Variants in SLC35F1 observed in about 807,000 individuals in gnomAD.
The protein encoded by SLC35F1 is chromosome 6 open reading frame 169.
In SLC35F1, 14 loss-of-function variants were observed where a neutral mutation model predicts 48.7. The ratio of observed to expected loss-of-function variants is 0.29; its 90% CI spans 0.19 to 0.45. The LOEUF (loss-of-function observed/expected upper bound fraction) is 0.45, where lower values mean the gene tolerates loss of function less well. SLC35F1 is among the 20% of genes least tolerant of loss of function. SLC35F1 has a pLI of 1.00. For synonymous variants in SLC35F1, 190 were observed against 202.2 expected (o/e 0.94, Z 0.51); for missense variants, 404 against 500.0 (o/e 0.81, Z 1.83).
Position 118,095,202 on chromosome 6 carries a change from A to G in SLC35F1, c.174-59243A>G, listed in dbSNP as rs576023941. Among the ~76,000 whole-genome samples, 91 of 152,338 alleles carry G rather than the reference A, an allele frequency of 6.0e-4. 1 individual carries two copies. The South Asian group carries it at 0.018, about 31-fold the overall frequency. On this transcript the variant is annotated intron_variant, in intron 1 of 7. Coordinates refer to ENST00000360388, the MANE Select transcript of SLC35F1 (RefSeq NM_001029858.4). The stretch of plus-strand genomic sequence containing the variant: ...ACAAAGGTCATGGCTACACTTAACA[A>G]TATCACTTTCTGTTAAGAGGTGGGG...
intron 1 of SLC35F1, among the ~76,000 whole-genome samples, chr6:118,112,666 A>C (rs1481601841): frequency 6.6e-6 from 1 of 152,174 alleles, no homozygotes; most frequent in African/African-American, 2.4e-5. Flanking sequence ...TGGATTAGTC[A>C]TTAATGTATA....
At chr6:117,928,750 T>C (rs1002518758) in intron 1 of SLC35F1, among the ~76,000 whole-genome samples, 1 of 152,102 alleles carries the variant, frequency 6.6e-6, no homozygotes, top group African/African-American at 2.4e-5. Flanking sequence ...GTTGCACAAG[T>C]CAATCAAGTA....
chr6:118,052,376 T>C (rs1772403857), intron 1 of SLC35F1, among the ~76,000 whole-genome samples: 1 of 152,206 alleles, frequency 6.6e-6, no homozygotes, highest in African/African-American at 2.4e-5. Context: ...ACTCTGAGTT[T>C]GTACTATCCT....
chr6:118,003,330 T>A (rs994805192), intron 1 of SLC35F1, among the ~76,000 whole-genome samples: 2 of 152,248 alleles, frequency 1.3e-5, no homozygotes, highest in African/African-American at 4.8e-5. Context: ...TATGAGATTC[T>A]ATAAACATAG....
chr6:118,175,226 AT>A (rs1774470397), intron 2 of SLC35F1, among the ~76,000 whole-genome samples: 1 of 152,128 alleles, frequency 6.6e-6, no homozygotes, highest in Admixed American at 6.6e-5. Flanking sequence ...CAAAGCCTCA[AT>A]TTTCCACTTC....
intron 2 of SLC35F1, among the ~76,000 whole-genome samples, chr6:118,188,093 G>A (rs955530235): frequency 1.6e-4 from 24 of 152,162 alleles, no homozygotes; most frequent in African/African-American, 5.8e-4. Flanking sequence ...AGATTGAAGG[G>A]GAGGTCTGCT....
At chr6:117,927,582 C>T (rs1216472642) in intron 1 of SLC35F1, among the ~76,000 whole-genome samples, 1 of 152,176 alleles carries the variant, frequency 6.6e-6, no homozygotes, top group African/African-American at 2.4e-5. Flanking sequence ...GCAGTGAGAA[C>T]ATTCTGCAGA....
chr6:118,288,717 C>A (rs1194398583), intron 7 of SLC35F1, among the ~76,000 whole-genome samples: 1 of 152,174 alleles, frequency 6.6e-6, no homozygotes, highest in African/African-American at 2.4e-5. Flanking sequence ...CCCAACTCCC[C>A]CTTCCCATCA....
intron 5 of SLC35F1, 129 bp downstream of exon 5, chr6:118,275,744 G>A: frequency 8.5e-6 from 6 of 703,004 alleles, no homozygotes; most frequent in Non-Finnish European, 1.3e-5. Context: ...AAGGACTTAT[G>A]TAATCTGCCA....
intron 1 of SLC35F1, among the ~76,000 whole-genome samples, chr6:118,138,017 C>T (rs1773822762): frequency 2.6e-5 from 4 of 152,066 alleles, no homozygotes. Context: ...ATATTCCAAC[C>T]TTAGGGGAGG....
chr6:118,297,712 AAT>A (rs1776208408), intron 7 of SLC35F1, among the ~76,000 whole-genome samples: 1 of 138,632 alleles, frequency 7.2e-6, no homozygotes, highest in Non-Finnish European at 1.5e-5. Flanking sequence ...AGTTCTGAGA[AAT>A]ATATATTATA....
chr6:118,068,731 C>A (rs1253947233), intron 1 of SLC35F1, among the ~76,000 whole-genome samples: 1 of 152,078 alleles, frequency 6.6e-6, no homozygotes, highest in Non-Finnish European at 1.5e-5. Context: ...TTACTAAGCG[C>A]CTATGTTAAG....
intron 1 of SLC35F1, among the ~76,000 whole-genome samples, chr6:118,022,849 C>A (rs1582624047): frequency 6.7e-6 from 1 of 149,668 alleles, no homozygotes; most frequent in Non-Finnish European, 1.5e-5. Context: ...CTCCTGGGTT[C>A]GCGCCATTCT....
intron 1 of SLC35F1, among the ~76,000 whole-genome samples, chr6:117,970,293 C>A (rs1776622311): frequency 6.6e-6 from 1 of 152,222 alleles, no homozygotes; most frequent in Admixed American, 6.5e-5. Flanking sequence ...ATGATAAGAA[C>A]TACTAACAGC....
chr6:118,277,704 C>G (rs1775934637), intron 6 of SLC35F1, among the ~76,000 whole-genome samples, 158 bp downstream of exon 6: 1 of 152,170 alleles, frequency 6.6e-6, no homozygotes, highest in Non-Finnish European at 1.5e-5. Flanking sequence ...ATCCTGCACA[C>G]TCTGAGAGAC....
chr6:117,990,892 C>T (rs902560032), intron 1 of SLC35F1, among the ~76,000 whole-genome samples: 1 of 152,124 alleles, frequency 6.6e-6, no homozygotes, highest in Non-Finnish European at 1.5e-5. Flanking sequence ...GCTGGTTCTG[C>T]TGTAAGTCTT....
intron 1 of SLC35F1, among the ~76,000 whole-genome samples, chr6:117,950,810 TTA>T (rs1314144692): frequency 6.6e-6 from 1 of 152,198 alleles, no homozygotes; most frequent in Non-Finnish European, 1.5e-5. Flanking sequence ...AGTGTTGGAA[TTA>T]TAATTCCTTA....
chr6:117,973,340 G>A (rs551887422), intron 1 of SLC35F1, among the ~76,000 whole-genome samples: 6 of 152,228 alleles, frequency 3.9e-5, no homozygotes, highest in Middle Eastern at 3.4e-3. Context: ...TGAACTGGGG[G>A]TTAGGACTTC....
intron 4 of SLC35F1, among the ~76,000 whole-genome samples, chr6:118,273,827 T>C (rs1441617615): frequency 6.6e-6 from 1 of 152,156 alleles, no homozygotes; most frequent in Non-Finnish European, 1.5e-5. Flanking sequence ...AAAATCCCAT[T>C]CTCAGCTCCA....
Sources: allele counts gnomAD v4.1 joint callset (sites outside exome capture counted in the v4.1 genomes callset), GRCh38; gene constraint gnomAD v4.1.1; transcripts MANE v1.5; gene names NCBI Gene and HGNC (gene_info 2026-07-23, HGNC 2026-07-21).